TAFA4: variants seen among roughly 807,000 people sequenced by gnomAD.
TAFA4 encodes the protein TAFA chemokine like family member 4, also known as chemokine-like protein TAFA-4.
TAFA4 carries 20 observed loss-of-function variants against 21.1 expected under a neutral mutation model. The ratio of observed to expected loss-of-function variants is 0.95; its 90% confidence interval spans 0.67 to 1.38. The LOEUF (loss-of-function observed/expected upper bound fraction) is 1.38. Ranked by LOEUF, TAFA4 falls within the 40% of genes most tolerant of loss-of-function variation. TAFA4 has a pLI of 0.00. For synonymous variants in TAFA4, 71 were observed against 67.4 expected, an observed-to-expected ratio of 1.05 and a Z score of -0.26; for missense variants, 211 against 180.9, an observed-to-expected ratio of 1.17 and a Z score of -0.95.
At chr3:68,804,146 C>A (rs1451153239) in intron 3 of TAFA4, among the ~76,000 whole-genome samples, 2 of 152,004 alleles carry the variant, frequency 1.3e-5, no homozygotes, top group East Asian at 3.9e-4. Context: ...ACCCACTGCT[C>A]CACGAAACAT....
chr3:68,816,612 G>A (rs1443600185), intron 3 of TAFA4, among the ~76,000 whole-genome samples: 3 of 151,890 alleles, frequency 2.0e-5, no homozygotes, highest in African/African-American at 7.3e-5. Flanking sequence ...GAATCCTCAG[G>A]GTTTTTCATA....
intron 5 of TAFA4, among the ~76,000 whole-genome samples, chr3:68,735,578 T>C (rs765505878): frequency 6.6e-6 from 1 of 152,114 alleles, no homozygotes; most frequent in Non-Finnish European, 1.5e-5. Context: ...GTTCCCATGA[T>C]AGCATTAAAT....
chr3:68,851,747 A>C (rs1704956140), intron 3 of TAFA4, among the ~76,000 whole-genome samples: 1 of 152,218 alleles, frequency 6.6e-6, no homozygotes, highest in Non-Finnish European at 1.5e-5. Flanking sequence ...GAAAGGTTAT[A>C]GTAGGCGGGA....
At chr3:68,838,722 T>G (rs1056954014) in intron 3 of TAFA4, among the ~76,000 whole-genome samples, 1 of 152,096 alleles carries the variant, frequency 6.6e-6, no homozygotes, top group East Asian at 2.0e-4. Context: ...AGACATACCA[T>G]AGGCCAGATT....
intron 3 of TAFA4, among the ~76,000 whole-genome samples, chr3:68,843,310 C>G (rs1704709905): frequency 6.6e-6 from 1 of 152,148 alleles, no homozygotes; most frequent in African/African-American, 2.4e-5. Context: ...TGGGAGTTCA[C>G]TCATGATTTG....
chr3:68,750,778 AGTTT>A (rs1026271112), intron 4 of TAFA4, among the ~76,000 whole-genome samples: 1 of 152,236 alleles, frequency 6.6e-6, no homozygotes, highest in Non-Finnish European at 1.5e-5. Flanking sequence ...ATATAAAAAG[AGTTT>A]GTTAGAAGAC....
intron 3 of TAFA4, among the ~76,000 whole-genome samples, chr3:68,771,621 C>A (rs761930555): frequency 6.6e-4 from 101 of 152,166 alleles, no homozygotes; most frequent in Non-Finnish European, 1.1e-3. Flanking sequence ...AAAGTACCAC[C>A]CCTCCAAATT....
chr3:68,831,333 C>G (rs1292808749), intron 3 of TAFA4, among the ~76,000 whole-genome samples: 1 of 152,106 alleles, frequency 6.6e-6, no homozygotes, highest in African/African-American at 2.4e-5. Flanking sequence ...TACCGTTGTC[C>G]CTTTCCATGT....
chr3:68,896,532 A>G (rs994346465), intron 1 of TAFA4, among the ~76,000 whole-genome samples: 1 of 152,218 alleles, frequency 6.6e-6, no homozygotes, highest in Non-Finnish European at 1.5e-5. Flanking sequence ...GTCTTGCAAT[A>G]TGCCATTGGT....
chr3:68,922,150 T>C (rs1156303201), intron 1 of TAFA4, among the ~76,000 whole-genome samples: 1 of 152,188 alleles, frequency 6.6e-6, no homozygotes, highest in Non-Finnish European at 1.5e-5. Flanking sequence ...GTATTAAAAT[T>C]TTTAAACTCT....
rs74404850 is a variant in TAFA4, at chr3:68,922,218, T to A, written c.-123+10022A>T. Among the ~76,000 whole-genome samples the A allele has an allele frequency of 2.9e-3, 440 of 152,310 alleles. 14 individuals carry two copies. In the East Asian group the frequency reaches 0.072, roughly 25 times the overall value. ...AAGTGTGGTCCAAAGCTTGGAAGCA[T>A]CGGCACCTCATGGGAGCCTCCTGGA... On this transcript the variant is annotated intron_variant, in intron 1 of 5. Coordinates refer to ENST00000295569, the MANE Select transcript of TAFA4 (RefSeq NM_182522.5).
chr3:68,808,102 G>A (rs1042210562), intron 3 of TAFA4, among the ~76,000 whole-genome samples: 44 of 152,096 alleles, frequency 2.9e-4, no homozygotes, highest in African/African-American at 8.7e-4. Flanking sequence ...AAATGGGGTG[G>A]GGTTTGATGA....
chr3:68,891,716 G>A (rs1431441994), intron 1 of TAFA4, among the ~76,000 whole-genome samples: 1 of 152,190 alleles, frequency 6.6e-6, no homozygotes, highest in East Asian at 1.9e-4. Context: ...AGGGTTTTAT[G>A]AGTGGAAGGG....
At chr3:68,902,907 T>C (rs898052812) in intron 1 of TAFA4, among the ~76,000 whole-genome samples, 2 of 152,194 alleles carry the variant, frequency 1.3e-5, no homozygotes, top group African/African-American at 4.8e-5. Context: ...CCCAAGTTAG[T>C]AAAATCACTT....
chr3:68,862,173 G>T (rs1290834063), intron 3 of TAFA4, among the ~76,000 whole-genome samples: 1 of 152,026 alleles, frequency 6.6e-6, no homozygotes, highest in Non-Finnish European at 1.5e-5. Flanking sequence ...CACTTAACAA[G>T]TTAGGGGACT....
intron 3 of TAFA4, among the ~76,000 whole-genome samples, chr3:68,861,992 A>C (rs2089351577): frequency 6.6e-6 from 1 of 152,106 alleles, no homozygotes; most frequent in African/African-American, 2.4e-5. Context: ...AACTTGTTCC[A>C]CATCTGCCTC....
At chr3:68,769,600 C>T (rs1460458572) in intron 3 of TAFA4, among the ~76,000 whole-genome samples, 3 of 152,102 alleles carry the variant, frequency 2.0e-5, no homozygotes, top group Non-Finnish European at 4.4e-5. Flanking sequence ...ATAATAAATG[C>T]ATGAGGTGGT....
rs1309098259 is a variant in TAFA4 at position 68,881,277 on chromosome 3, A to T, written c.15-432T>A. On this transcript the variant is annotated intron_variant, in intron 2 of 5. Transcript: ENST00000295569. ...CAAGAACTTTCTCCTGGTTTCTCTG[A>T]CTGTACCCTAAGGCTTTCTGGTCTG... Among the ~76,000 whole-genome samples, 4 of 152,300 alleles carry T rather than the reference A, an allele frequency of 2.6e-5. No homozygotes were observed. In the East Asian group the frequency reaches 7.7e-4, roughly 29 times the overall value.
chr3:68,925,253 T>C (rs1490265114), intron 1 of TAFA4, among the ~76,000 whole-genome samples: 8 of 152,066 alleles, frequency 5.3e-5, no homozygotes. Context: ...AATCCAAAAA[T>C]ATAGATGAAG....
Sources: gnomAD v4.1 joint callset for allele counts (sites outside exome capture counted in the v4.1 genomes callset) on GRCh38, gnomAD v4.1.1 for gene constraint, MANE v1.5 for transcripts, NCBI Gene and HGNC (gene_info 2026-07-23, HGNC 2026-07-21) for gene names.